The following SGCZ variants were observed in gnomAD, a reference collection of about 807,000 sequenced individuals.
The protein encoded by SGCZ is zeta-sarcoglycan.
Under a neutral mutation model 41.3 loss-of-function variants are expected in SGCZ, and 40 were observed. That is an observed-to-expected ratio of 0.97 (90% CI 0.75 to 1.26). The LOEUF is 1.26. SGCZ is among the 50% of genes most tolerant of loss of function. SGCZ has a pLI of 0.00. For missense variants in SGCZ, 552 were observed against 369.8 expected (o/e 1.49, Z -4.04); for synonymous variants, 206 against 137.5 (o/e 1.50, Z -3.49).
chr8:14,901,008 A>G (rs1384322792), intron 1 of SGCZ, among the ~76,000 whole-genome samples: 2 of 152,188 alleles, frequency 1.3e-5, no homozygotes, highest in Non-Finnish European at 2.9e-5. Context: ...TGATAATCAA[A>G]TTTATTAATA....
intron 1 of SGCZ, among the ~76,000 whole-genome samples, chr8:14,967,787 T>C (rs1020094862): frequency 6.6e-6 from 1 of 152,152 alleles, no homozygotes; most frequent in African/African-American, 2.4e-5. Flanking sequence ...TTGAACAAAG[T>C]AGACATTCAA....
chr8:14,818,840 T>C (rs1422682404), intron 1 of SGCZ, among the ~76,000 whole-genome samples: 2 of 151,986 alleles, frequency 1.3e-5, no homozygotes, highest in African/African-American at 4.8e-5. Flanking sequence ...GAATTTCTGA[T>C]TTTGAAGACA....
chr8:15,183,795 T>C (rs903027676), intron 1 of SGCZ, among the ~76,000 whole-genome samples: 1 of 152,220 alleles, frequency 6.6e-6, no homozygotes, highest in African/African-American at 2.4e-5. Context: ...CTGGGCATTA[T>C]GGTAATGCTT....
At chr8:14,910,655 C>T (rs1003960430) in intron 1 of SGCZ, among the ~76,000 whole-genome samples, 15 of 151,626 alleles carry the variant, frequency 9.9e-5, no homozygotes, top group Middle Eastern at 3.4e-3. Flanking sequence ...CAGAAAACAT[C>T]GGTAAAGTAA....
At chr8:15,169,740 G>C (rs1260489702) in intron 1 of SGCZ, among the ~76,000 whole-genome samples, 1 of 152,168 alleles carries the variant, frequency 6.6e-6, no homozygotes, top group Non-Finnish European at 1.5e-5. Context: ...AAGATGGCAA[G>C]GAAGCTCTCC....
At chr8:14,098,429 A>G (rs547754856) in intron 7 of SGCZ, among the ~76,000 whole-genome samples, 1 of 152,254 alleles carries the variant, frequency 6.6e-6, no homozygotes, top group Admixed American at 6.5e-5. Context: ...CTTGTGATAC[A>G]CTTGTGGCTC....
intron 1 of SGCZ, among the ~76,000 whole-genome samples, chr8:15,002,187 G>A (rs73665357): frequency 0.05 from 6,649 of 134,094 alleles, 432 homozygotes; most frequent in African/African-American, 0.17. Flanking sequence ...AATGACTTAA[G>A]AATATAGTCA....
chr8:14,461,701 T>C (rs1003045200), intron 2 of SGCZ, among the ~76,000 whole-genome samples: 2 of 152,118 alleles, frequency 1.3e-5, no homozygotes, highest in Non-Finnish European at 1.5e-5. Flanking sequence ...TAGCAAGATA[T>C]TCAACGCAAA....
intron 4 of SGCZ, among the ~76,000 whole-genome samples, chr8:14,204,335 TA>T (rs540051489): frequency 5.2e-4 from 78 of 151,290 alleles, no homozygotes; most frequent in African/African-American, 1.9e-3. Context: ...TTATACCAAA[TA>T]CCAGCATTAC....
intron 1 of SGCZ, among the ~76,000 whole-genome samples, chr8:15,070,059 A>G (rs1303222262): frequency 1.3e-5 from 2 of 152,174 alleles, no homozygotes; most frequent in Non-Finnish European, 2.9e-5. Flanking sequence ...TTAGCATTCA[A>G]TAAAAATTCT....
intron 5 of SGCZ, among the ~76,000 whole-genome samples, chr8:14,134,031 G>C (rs975753963): frequency 1.3e-5 from 2 of 152,180 alleles, no homozygotes; most frequent in Non-Finnish European, 2.9e-5. Flanking sequence ...ATCAGAATAT[G>C]ATAGAATCCA....
At chr8:15,146,505 G>A (rs1799040937) in intron 1 of SGCZ, among the ~76,000 whole-genome samples, 1 of 152,194 alleles carries the variant, frequency 6.6e-6, no homozygotes, top group South Asian at 2.1e-4. Flanking sequence ...CCCGTGAGTA[G>A]ATGGGACTAC....
chr8:14,989,262 A>G (rs937787620), intron 1 of SGCZ, among the ~76,000 whole-genome samples: 1 of 152,144 alleles, frequency 6.6e-6, no homozygotes, highest in African/African-American at 2.4e-5. Context: ...AAAATTACAT[A>G]GGAGGATGAT....
intron 5 of SGCZ, among the ~76,000 whole-genome samples, chr8:14,113,506 T>C (rs1802435911): frequency 6.6e-6 from 1 of 152,128 alleles, no homozygotes. Flanking sequence ...TAATAAATAT[T>C]GATAAGGATC....
intron 1 of SGCZ, among the ~76,000 whole-genome samples, chr8:15,172,164 T>TATTTATTTA (rs10643012): frequency 0.011 from 1,150 of 108,474 alleles, 23 homozygotes; most frequent in Non-Finnish European, 0.017. Flanking sequence ...GTTTTTTTTT[T>TATTTATTTA]TTTTTTTTTT....
chr8:14,442,964 T>C (rs990508571), intron 2 of SGCZ, among the ~76,000 whole-genome samples: 2 of 152,144 alleles, frequency 1.3e-5, no homozygotes, highest in African/African-American at 4.8e-5. Context: ...CAGCAAAGTC[T>C]CAGGATACAA....
intron 1 of SGCZ, among the ~76,000 whole-genome samples, chr8:14,752,425 T>C (rs1227013743): frequency 6.6e-6 from 1 of 152,236 alleles, no homozygotes; most frequent in East Asian, 1.9e-4. Flanking sequence ...TTTATTTTGC[T>C]TGGGCCAATT....
intron 4 of SGCZ, among the ~76,000 whole-genome samples, chr8:14,206,273 A>G (rs995151996): frequency 4.6e-5 from 7 of 152,158 alleles, no homozygotes; most frequent in African/African-American, 1.7e-4. Context: ...GAAAACTCAG[A>G]AATTACAAGC....
intron 2 of SGCZ, among the ~76,000 whole-genome samples, chr8:14,404,723 T>A (rs957674287): frequency 1.3e-5 from 2 of 152,170 alleles, no homozygotes; most frequent in Non-Finnish European, 2.9e-5. Context: ...TACAGGCCTG[T>A]CATGTTCCTG....
Sources: allele counts gnomAD v4.1 joint callset (sites outside exome capture counted in the v4.1 genomes callset), GRCh38; gene constraint gnomAD v4.1.1; transcripts MANE v1.5; gene names NCBI Gene and HGNC (gene_info 2026-07-23, HGNC 2026-07-21).